Variants in CNOT1 observed in about 807,000 individuals in gnomAD.
CNOT1 encodes CCR4-NOT transcription complex subunit 1, also known as CCR4-associated factor 1.
In CNOT1, 15 loss-of-function variants were observed where a neutral mutation model predicts 273.8. The ratio of observed to expected loss-of-function variants is 0.05; its 90% CI spans 0.04 to 0.08. The LOEUF is 0.08. Ranked by LOEUF, CNOT1 falls within the 10% of genes least tolerant of loss-of-function variation. CNOT1 has a pLI of 1.00. For synonymous variants in CNOT1, 1,022 were observed against 1,005.5 expected (o/e 1.02, Z -0.31); for missense variants, 1,644 against 2,912.2 (o/e 0.56, Z 10.02).
intron 2 of CNOT1, among the ~76,000 whole-genome samples, chr16:58,594,462 T>C (rs1045818863): frequency 2.6e-5 from 4 of 152,102 alleles, no homozygotes; most frequent in Admixed American, 6.6e-5. Flanking sequence ...GTGGTTATGG[T>C]TGCACAACTT....
chr16:58,626,079 A>G (rs2043568380), intron 1 of CNOT1, among the ~76,000 whole-genome samples: 1 of 152,162 alleles, frequency 6.6e-6, no homozygotes. Flanking sequence ...CAGTTAATAT[A>G]TATGACTTGA....
intron 1 of CNOT1, among the ~76,000 whole-genome samples, 178 bp downstream of exon 1, chr16:58,629,550 G>A (rs1049579138): frequency 1.3e-5 from 2 of 152,086 alleles, no homozygotes; most frequent in African/African-American, 4.8e-5. Flanking sequence ...GTGTGGAGAA[G>A]AGTCCGCCCT....
At chr16:58,567,223 C>T (rs374391183) in intron 16 of CNOT1, among the ~76,000 whole-genome samples, 262 of 152,194 alleles carry the variant, frequency 1.7e-3, no homozygotes, top group African/African-American at 5.6e-3. Context: ...ATAACCCCAG[C>T]GCTTTAGGAT....
In CNOT1 at chr16:58,525,370, G is replaced by C. The variant is rs969624836; in HGVS notation, c.6604-11C>G. 3 of 1,611,340 alleles carry C rather than the reference G, an allele frequency of 1.9e-6. No individual in the cohort carries two copies. Among genetic ancestry groups the C allele is most frequent in the African/African-American group, 2.7e-5 (2 of 74,866 alleles). ...AGGTTCATTGGATACCTTAAAATGA[G>C]CAAAACAGAACTCCTTATGCTTACT... On this transcript the variant is annotated splice_polypyrimidine_tract_variant and intron_variant, in intron 45 of 48. Transcript: ENST00000317147.
intron 1 of CNOT1, among the ~76,000 whole-genome samples, chr16:58,620,221 T>C (rs1028705011): frequency 7.2e-5 from 11 of 152,308 alleles, no homozygotes; most frequent in African/African-American, 2.6e-4. Context: ...TAGGGTGCAC[T>C]TAAGTGAAAC....
At chr16:58,594,529 C>T (rs762642426) in intron 2 of CNOT1, among the ~76,000 whole-genome samples, 2 of 151,918 alleles carry the variant, frequency 1.3e-5, no homozygotes, top group Non-Finnish European at 2.9e-5. Context: ...TCTGGCCAGG[C>T]GTGGGGGCTC....
intron 24 of CNOT1, 56 bp from the exon 25 acceptor site, chr16:58,549,954 T>G (rs1597440822): frequency 6.2e-7 from 1 of 1,605,780 alleles, no homozygotes; most frequent in Admixed American, 1.7e-5. Context: ...AAAATAACAC[T>G]TGGTTTCTAT....
At chr16:58,566,882 C>T (rs1401503841) in intron 16 of CNOT1, among the ~76,000 whole-genome samples, 1 of 152,178 alleles carries the variant, frequency 6.6e-6, no homozygotes, top group Non-Finnish European at 1.5e-5. Context: ...GACCCACCCT[C>T]GGCCTCCCAA....
intron 7 of CNOT1, among the ~76,000 whole-genome samples, chr16:58,585,969 A>G (rs2041820033): frequency 6.6e-6 from 1 of 151,918 alleles, no homozygotes; most frequent in Admixed American, 6.6e-5. Flanking sequence ...ATGGATGTTA[A>G]TCCACTATCA....
At chr16:58,593,896 G>A (rs1402292890) in intron 2 of CNOT1, among the ~76,000 whole-genome samples, 1 of 152,064 alleles carries the variant, frequency 6.6e-6, no homozygotes, top group African/African-American at 2.4e-5. Context: ...AAGAAATGAA[G>A]TACTGATACA....
At chr16:58,546,883 T>A in intron 27 of CNOT1, 134 bp from the exon 28 acceptor site, 2 of 1,198,696 alleles carry the variant, frequency 1.7e-6, no homozygotes, top group Admixed American at 2.4e-5. Flanking sequence ...GATTAAAAAA[T>A]AACCAAAAAC....
intron 44 of CNOT1, chr16:58,528,016 G>A (rs1368596408): frequency 7.0e-5 from 26 of 368,910 alleles, no homozygotes; most frequent in Non-Finnish European, 1.1e-4. Context: ...GGGAGGCTGA[G>A]GCGGGAGAAT....
At chr16:58,537,246 A>G in intron 38 of CNOT1, 26 bp from the exon 39 acceptor site, 1 of 1,554,546 alleles carries the variant, frequency 6.4e-7, no homozygotes, top group Non-Finnish European at 8.7e-7. Context: ...AAGGGTGAAA[A>G]TCAGTCTCCT....
At chr16:58,551,948 G>T in intron 22 of CNOT1, 129 bp from the exon 23 acceptor site, 1 of 1,195,270 alleles carries the variant, frequency 8.4e-7, no homozygotes, top group Non-Finnish European at 1.2e-6. Flanking sequence ...CATACTCTTT[G>T]CCCCATACCC....
In CNOT1 at chr16:58,588,939, G is replaced by C. The variant is rs368684134; in HGVS notation, c.103-33C>G. On this transcript the variant is annotated intron_variant, in intron 2 of 48. Transcript: ENST00000317147. ...GACCAAAAATAACATGTTTAATAAG[G>C]GAAGATAAAACAAAAAAAAAAAGTA... The C allele has an allele frequency of 2.0e-6, 3 of 1,525,990 alleles. No homozygotes were observed. The East Asian group carries it at 7.3e-5, about 37-fold the overall frequency. The allele number at this position is 1,525,990 out of a possible 1,614,324, so 94.5% of individuals were successfully genotyped here.
intron 1 of CNOT1, among the ~76,000 whole-genome samples, chr16:58,604,949 A>C (rs2042619378): frequency 6.6e-6 from 1 of 151,414 alleles, no homozygotes. Context: ...ATCCTGCCTA[A>C]CACGGTGAAA....
At chr16:58,562,444 T>C (rs2040886395) in intron 16 of CNOT1, among the ~76,000 whole-genome samples, 1 of 150,024 alleles carries the variant, frequency 6.7e-6, no homozygotes, top group African/African-American at 2.5e-5. Context: ...TTCAAGGCTG[T>C]AGTGAGCTAT....
At chr16:58,607,732 AAAAAAAG>A (rs1287377049) in intron 1 of CNOT1, among the ~76,000 whole-genome samples, 3 of 144,536 alleles carry the variant, frequency 2.1e-5, no homozygotes, top group Admixed American at 1.4e-4. Context: ...AAAAAAAAAA[AAAAAAAG>A]AAAGAAAGAA....
intron 16 of CNOT1, among the ~76,000 whole-genome samples, chr16:58,571,652 A>G (rs1405574438): frequency 6.6e-6 from 1 of 152,086 alleles, no homozygotes; most frequent in Non-Finnish European, 1.5e-5. Context: ...TGACGGAAAA[A>G]CTGACAAAAC....
Sources: allele counts gnomAD v4.1 joint callset (sites outside exome capture counted in the v4.1 genomes callset), GRCh38; gene constraint gnomAD v4.1.1; transcripts MANE v1.5; gene names NCBI Gene and HGNC (gene_info 2026-07-23, HGNC 2026-07-21).